The following TYW1 variants were observed in gnomAD, a reference collection of about 807,000 sequenced individuals.
TYW1 encodes S-adenosyl-L-methionine-dependent tRNA 4-demethylwyosine synthase TYW1.
TYW1 carries 46 observed loss-of-function variants against 96.2 expected under a neutral mutation model. The observed-to-expected ratio is 0.48, with a 90% CI of 0.38 to 0.61. TYW1 has a LOEUF of 0.61. Among genes scored for constraint, TYW1 ranks in the 20% least tolerant of loss-of-function variants. The pLI is 0.00. For missense variants in TYW1, 684 were observed against 909.6 expected, an observed-to-expected ratio of 0.75 and a Z score of 3.19; for synonymous variants, 274 against 323.0, an observed-to-expected ratio of 0.85 and a Z score of 1.63.
chr7:67,093,121 A>G (rs1796778810), intron 11 of TYW1, among the ~76,000 whole-genome samples: 1 of 152,166 alleles, frequency 6.6e-6, no homozygotes, highest in Non-Finnish European at 1.5e-5. Context: ...CAGCTTGATC[A>G]CATCACTGCA....
intron 9 of TYW1, among the ~76,000 whole-genome samples, chr7:67,065,817 C>A (rs994607657): frequency 6.6e-6 from 1 of 151,900 alleles, no homozygotes; most frequent in Non-Finnish European, 1.5e-5. Flanking sequence ...TCAAGACCAG[C>A]CTGACCAATA....
At chr7:67,013,331 T>C (rs1252162174) in intron 4 of TYW1, among the ~76,000 whole-genome samples, 7 of 151,940 alleles carry the variant, frequency 4.6e-5, no homozygotes, top group Admixed American at 2.6e-4. Flanking sequence ...CTGTGTTGCT[T>C]AGGCTGGTCT....
At chr7:67,048,762 T>C (rs1402241125) in intron 7 of TYW1, among the ~76,000 whole-genome samples, 1 of 152,252 alleles carries the variant, frequency 6.6e-6, no homozygotes, top group Non-Finnish European at 1.5e-5. Flanking sequence ...TGTTTCTTTT[T>C]CTATCACTGA....
intron 7 of TYW1, among the ~76,000 whole-genome samples, chr7:67,037,182 A>G (rs1386782165): frequency 6.6e-6 from 1 of 152,118 alleles, no homozygotes; most frequent in Non-Finnish European, 1.5e-5. Flanking sequence ...ATAAAATATC[A>G]GATGTAGTCT....
Position 67,014,551 on chromosome 7 carries a change from A to T in TYW1, c.560A>T (p.His187Leu), listed in dbSNP as rs1793943013. 18 of 1,610,536 alleles carry T rather than the reference A, an allele frequency of 1.1e-5. 2 individuals carry two copies. In the South Asian group the frequency reaches 1.8e-4, roughly 16 times the overall value. ...CTGGGAAATTCTGCCTATGCTAGCCACTTCAACAAGGTAGGTCTATATTGA... is the reference window on the plus strand; with the variant it reads ...CTGGGAAATTCTGCCTATGCTAGCCTCTTCAACAAGGTAGGTCTATATTGA... ...FGLGNSAYASHFNKVGKNVDK... is the reference protein window; with the variant it reads ...FGLGNSAYASLFNKVGKNVDK... The change falls in exon 5 of 16, where the codon CAC (histidine) becomes CTC (leucine). Residue 187 changes from histidine to leucine, a missense_variant. Coordinates refer to ENST00000359626, the MANE Select transcript of TYW1 (RefSeq NM_018264.4).
At chr7:67,183,370 C>T (rs534895558) in intron 14 of TYW1, 134 bp downstream of exon 14, 79 of 738,580 alleles carry the variant, frequency 1.1e-4, no homozygotes, top group South Asian at 6.8e-4. Flanking sequence ...ATTTCGTGAT[C>T]GATATTCATC....
At chr7:67,177,882 G>C (rs1023803445) in intron 13 of TYW1, among the ~76,000 whole-genome samples, 1 of 150,774 alleles carries the variant, frequency 6.6e-6, no homozygotes, top group Non-Finnish European at 1.5e-5. Flanking sequence ...AGCTGGGCAC[G>C]TTGGCTCATG....
intron 13 of TYW1, among the ~76,000 whole-genome samples, chr7:67,134,699 G>T (rs535586996): frequency 6.3e-4 from 95 of 150,940 alleles, no homozygotes; most frequent in Non-Finnish European, 1.2e-3. Flanking sequence ...TCTTCATTCT[G>T]CCAAGGGCTC....
chr7:67,111,941 T>C (rs1417639907), intron 12 of TYW1, among the ~76,000 whole-genome samples: 1 of 150,820 alleles, frequency 6.6e-6, no homozygotes, highest in Middle Eastern at 3.2e-3. Context: ...TACTAAAAAT[T>C]CAAAAAAATT....
In TYW1 at chr7:67,057,270, C is replaced by T. The variant is rs1245881726; in HGVS notation, c.1155+1383C>T. On this transcript the variant is annotated intron_variant, in intron 9 of 15. Transcript: ENST00000359626. Reference sequence around the variant, plus strand: ...CCTCGTGATCTGCCCACCTCGGCCTCCCAAAGTGCTGGGATTACAGGTTTG... The same window carrying T: ...CCTCGTGATCTGCCCACCTCGGCCTTCCAAAGTGCTGGGATTACAGGTTTG... 2.6e-5 allele frequency among the ~76,000 whole-genome samples: 4 copies of T among 152,184 alleles called. No individual in the cohort carries two copies. The East Asian group carries it at 7.7e-4, about 29-fold the overall frequency.
At chr7:67,109,089 C>G (rs1252050957) in intron 12 of TYW1, among the ~76,000 whole-genome samples, 5 of 151,320 alleles carry the variant, frequency 3.3e-5, no homozygotes, top group Non-Finnish European at 7.4e-5. Flanking sequence ...CTGGCTAACA[C>G]GGTGAAACCC....
At chr7:67,211,243 AC>A in intron 15 of TYW1, among the ~76,000 whole-genome samples, 1 of 149,626 alleles carries the variant, frequency 6.7e-6, no homozygotes, top group Non-Finnish European at 1.5e-5. Flanking sequence ...TATCTCACAC[AC>A]AGATGGTCCC....
chr7:67,078,749 A>G (rs990638931), intron 10 of TYW1, among the ~76,000 whole-genome samples: 1 of 151,726 alleles, frequency 6.6e-6, no homozygotes, highest in African/African-American at 2.4e-5. Context: ...CTGGAGTGCA[A>G]TGGCACAATC....
intron 14 of TYW1, among the ~76,000 whole-genome samples, chr7:67,189,487 G>A (rs916327057): frequency 5.3e-5 from 8 of 151,906 alleles, no homozygotes; most frequent in African/African-American, 1.7e-4. Context: ...CCGTGTGTGC[G>A]TGTCAGATCT....
intron 15 of TYW1, among the ~76,000 whole-genome samples, chr7:67,219,861 T>C (rs1440943877): frequency 2.1e-5 from 3 of 145,978 alleles, no homozygotes; most frequent in East Asian, 2.0e-4. Context: ...TTTTTTTTTT[T>C]CTATTCTCTA....
rs112141261 is a variant in TYW1, at chr7:67,127,461, C to T, written c.1698+9843C>T. Among the ~76,000 whole-genome samples the T allele has an allele frequency of 6.6e-4, 101 of 152,104 alleles. 1 individual carries two copies. Among genetic ancestry groups the T allele is most frequent in the African/African-American group, 2.3e-3 (97 of 41,500 alleles). On this transcript the variant is annotated intron_variant, in intron 13 of 15. Transcript: ENST00000359626. ...AGGCTTGACCCACTGTGCCCGGCCTCCTTATAATAACAAAATAATCCTGAT... is the reference window on the plus strand; with the variant it reads ...AGGCTTGACCCACTGTGCCCGGCCTTCTTATAATAACAAAATAATCCTGAT...
At chr7:67,098,227 A>G (rs1490710203) in intron 11 of TYW1, among the ~76,000 whole-genome samples, 3 of 152,244 alleles carry the variant, frequency 2.0e-5, no homozygotes, top group African/African-American at 2.4e-5. Flanking sequence ...TTCTTGGATC[A>G]ACATGAAAGA....
chr7:67,051,161 C>A (rs1240296692), intron 8 of TYW1, among the ~76,000 whole-genome samples: 2 of 152,142 alleles, frequency 1.3e-5, no homozygotes, highest in African/African-American at 4.8e-5. Flanking sequence ...TGAGCCACTG[C>A]ACCTGGCCTA....
At chr7:67,060,067 C>T (rs1012106410) in intron 9 of TYW1, among the ~76,000 whole-genome samples, 1 of 139,800 alleles carries the variant, frequency 7.2e-6, no homozygotes, top group African/African-American at 2.8e-5. Flanking sequence ...GCCACCGTGC[C>T]CGGCCCTGTA....
Sources: gnomAD v4.1 joint callset for allele counts (sites outside exome capture counted in the v4.1 genomes callset) on GRCh38, gnomAD v4.1.1 for gene constraint, MANE v1.5 for transcripts, NCBI Gene and HGNC (gene_info 2026-07-23, HGNC 2026-07-21) for gene names.